Variants in MAGI2 observed in about 807,000 individuals in gnomAD.
MAGI2 encodes the protein membrane associated guanylate kinase, WW and PDZ domain containing 2.
A neutral mutation model predicts 133.3 loss-of-function variants in MAGI2; 35 were observed. That is an observed-to-expected ratio of 0.26 (90% CI 0.20 to 0.35). The LOEUF is 0.35. Among genes scored for constraint, MAGI2 ranks in the 10% least tolerant of loss-of-function variants. MAGI2 has a pLI of 1.00. For missense variants in MAGI2, 1,636 were observed against 1,863.4 expected (o/e 0.88, Z 2.25); for synonymous variants, 729 against 710.6 (o/e 1.03, Z -0.41).
chr7:78,572,345 T>C (rs1299738293), intron 3 of MAGI2, among the ~76,000 whole-genome samples: 1 of 152,088 alleles, frequency 6.6e-6, no homozygotes, highest in Non-Finnish European at 1.5e-5. Flanking sequence ...AATTTAACAC[T>C]CTCATCAAGT....
At chr7:78,527,233 C>T (rs1302893945) in intron 3 of MAGI2, among the ~76,000 whole-genome samples, 1 of 152,100 alleles carries the variant, frequency 6.6e-6, no homozygotes, top group East Asian at 1.9e-4. Context: ...TAATCCCTTA[C>T]CCATTTTTAG....
intron 6 of MAGI2, among the ~76,000 whole-genome samples, chr7:78,466,210 C>T (rs12540640): frequency 0.34 from 51,422 of 152,096 alleles, 8,792 homozygotes; most frequent in East Asian, 0.48. Context: ...GCCCCTTTTC[C>T]GATCTGCTAT....
intron 2 of MAGI2, among the ~76,000 whole-genome samples, chr7:78,720,912 C>G: frequency 6.6e-6 from 1 of 152,006 alleles, no homozygotes; most frequent in Non-Finnish European, 1.5e-5. Context: ...ATTGTTCCTT[C>G]TGGGGAAATT....
chr7:79,366,296 T>C (rs1052365347), intron 1 of MAGI2, among the ~76,000 whole-genome samples: 1 of 152,164 alleles, frequency 6.6e-6, no homozygotes, highest in Admixed American at 6.5e-5. Flanking sequence ...CAAAATGTTA[T>C]ACACTGTATG....
intron 1 of MAGI2, among the ~76,000 whole-genome samples, chr7:79,390,169 T>C (rs1443548789): frequency 2.0e-5 from 3 of 152,140 alleles, no homozygotes; most frequent in Non-Finnish European, 4.4e-5. Context: ...TGATGAAATT[T>C]CCGTTTATAA....
chr7:78,093,183 C>G (rs1373878427), intron 20 of MAGI2, among the ~76,000 whole-genome samples: 6 of 138,720 alleles, frequency 4.3e-5, no homozygotes, highest in Non-Finnish European at 7.7e-5. Context: ...GCAGGTGGGG[C>G]GTGGTGGCTC....
At chr7:78,052,945 G>A (rs986222732) in intron 21 of MAGI2, among the ~76,000 whole-genome samples, 1 of 152,028 alleles carries the variant, frequency 6.6e-6, no homozygotes, top group African/African-American at 2.4e-5. Context: ...AATGATAAAT[G>A]TATAGAACTA....
At chr7:79,132,549 G>A (rs1821027669) in intron 1 of MAGI2, among the ~76,000 whole-genome samples, 1 of 152,046 alleles carries the variant, frequency 6.6e-6, no homozygotes, top group Non-Finnish European at 1.5e-5. Flanking sequence ...TAGTCAATGG[G>A]CACTTAGGTT....
chr7:78,565,922 G>A (rs368719847), intron 3 of MAGI2, among the ~76,000 whole-genome samples: 3 of 152,118 alleles, frequency 2.0e-5, no homozygotes, highest in South Asian at 2.1e-4. Flanking sequence ...TCTGGGGTGC[G>A]GGTAGATCAT....
At chr7:78,669,240 T>C (rs1210966280) in intron 2 of MAGI2, among the ~76,000 whole-genome samples, 1 of 151,890 alleles carries the variant, frequency 6.6e-6, no homozygotes, top group East Asian at 1.9e-4. Flanking sequence ...AAAGGGGATA[T>C]CACCACCGAT....
intron 1 of MAGI2, among the ~76,000 whole-genome samples, chr7:79,379,617 G>A (rs2129141529): frequency 6.6e-6 from 1 of 151,968 alleles, no homozygotes; most frequent in East Asian, 2.0e-4. Context: ...ATCCTCTCCA[G>A]CACCTGTTGT....
intron 6 of MAGI2, among the ~76,000 whole-genome samples, chr7:78,468,240 T>C (rs1248502900): frequency 6.6e-6 from 1 of 152,158 alleles, no homozygotes. Flanking sequence ...TTCTATAACA[T>C]AACCTGACAC....
In MAGI2 at chr7:78,031,440, G is replaced by C. The variant is rs2151061267; in HGVS notation, c.3707-11464C>G. ...CTGGGTGAAGAAACATTTTTAAGTT[G>C]ATTACACCTTTTGGAAAGAATATTT... On this transcript the variant is annotated intron_variant, in intron 21 of 21. Coordinates refer to ENST00000354212, the MANE Select transcript of MAGI2 (RefSeq NM_012301.4). 1.3e-5 allele frequency among the ~76,000 whole-genome samples: 2 copies of C among 152,250 alleles called. 1 individual carries two copies. Among genetic ancestry groups the C allele is most frequent in the East Asian group, 3.9e-4 (2 of 5,180 alleles).
chr7:78,458,751 C>T (rs1789631110), intron 6 of MAGI2, among the ~76,000 whole-genome samples: 1 of 151,874 alleles, frequency 6.6e-6, no homozygotes, highest in Non-Finnish European at 1.5e-5. Context: ...TCTCCTGCTT[C>T]AGCCTCCCGA....
chr7:79,027,286 A>G (rs1250293686), intron 1 of MAGI2, among the ~76,000 whole-genome samples: 2 of 151,744 alleles, frequency 1.3e-5, no homozygotes, highest in Non-Finnish European at 2.9e-5. Flanking sequence ...CATGGAATCA[A>G]CCTAAGTGTT....
chr7:79,101,025 G>C (rs942981147), intron 1 of MAGI2, among the ~76,000 whole-genome samples: 3 of 151,738 alleles, frequency 2.0e-5, no homozygotes, highest in African/African-American at 4.8e-5. Flanking sequence ...AGTTTTAATG[G>C]GGGTTATTGG....
intron 20 of MAGI2, among the ~76,000 whole-genome samples, chr7:78,079,398 C>G (rs1215617159): frequency 2.0e-5 from 3 of 152,178 alleles, no homozygotes; most frequent in African/African-American, 7.2e-5. Flanking sequence ...GGGAATATAT[C>G]TGATACAAAA....
At chr7:78,125,453 C>T (rs1820886915) in intron 20 of MAGI2, among the ~76,000 whole-genome samples, 1 of 152,082 alleles carries the variant, frequency 6.6e-6, no homozygotes, top group Admixed American at 6.6e-5. Context: ...TTCATTTGCT[C>T]TTTAGAAAAA....
At chr7:78,618,101 A>G (rs1395143212) in intron 3 of MAGI2, 2 of 152,090 alleles carry the variant, frequency 1.3e-5, no homozygotes, top group Non-Finnish European at 2.9e-5. Context: ...CTGTCATCAC[A>G]TTAGGGCACC....
Sources: gnomAD v4.1 joint callset for allele counts (sites outside exome capture counted in the v4.1 genomes callset) on GRCh38, gnomAD v4.1.1 for gene constraint, MANE v1.5 for transcripts, NCBI Gene and HGNC (gene_info 2026-07-23, HGNC 2026-07-21) for gene names.